The following BMP4 variants were observed in gnomAD, a reference collection of about 807,000 sequenced individuals.
BMP4 encodes bone morphogenetic protein 2B.
Under a neutral mutation model 29.6 loss-of-function variants are expected in BMP4, and 3 were observed. The observed-to-expected ratio is 0.10, with a 90% CI of 0.05 to 0.26. BMP4 has a LOEUF of 0.26. Ranked by LOEUF, BMP4 falls within the 10% of genes least tolerant of loss-of-function variation. BMP4 has a pLI of 1.00. For missense variants in BMP4, 455 were observed against 550.2 expected (o/e 0.83, Z 1.73); for synonymous variants, 197 against 213.2 (o/e 0.92, Z 0.66).
rs1007116370 is a variant in BMP4 at position 53,950,509 on chromosome 14, C to T, written c.750G>A (p.Gln250=). ...GTAACGATCGGCTAATCCTGACATG[C>T]TGGCCCTGGTGGGTCCGAGTCTGAT... is the stretch of plus-strand genomic sequence containing the variant. ...HLHQTRTHQG[Q]HVRISRSLPQ... is the part of the protein sequence containing the mutation. The change falls in exon 4 of 4, where the codon CAG becomes CAA. Residue 250 remains glutamine, a synonymous_variant. Transcript: ENST00000245451. This position sits in a 1 kb window ranked among gnomAD's most constrained non-coding sequence, Gnocchi z 5.4. The T allele has an allele frequency of 1.2e-6, 2 of 1,614,234 alleles. No homozygotes were observed. The highest frequency in any genetic ancestry group is 1.7e-5 in the Admixed American group (1 of 60,034).
chr14:53,953,340 C>T lies in BMP4; in HGVS notation c.-72G>A. ...TGACAGCCAATCTTGAACAAACTTG[C>T]TGGAAAGGCTCAGGGAAGCTGCAGC... is the stretch of plus-strand genomic sequence containing the variant. On this transcript the variant is annotated 5_prime_UTR_variant, in exon 2 of 4. Transcript: ENST00000245451. The T allele has an allele frequency of 2.5e-6, 1 of 399,302 alleles. No homozygotes were observed. The highest frequency in any genetic ancestry group is 6.3e-4 in the Middle Eastern group (1 of 1,592). 24.7% of individuals were successfully genotyped at this position (399,302 alleles called of 1,614,324 possible). A position where few individuals can be genotyped will look rare whatever the true frequency, so the allele number is the denominator to read the frequency against.
intron 1 of BMP4, 76 bp downstream of exon 1, chr14:53,956,474 G>A: frequency 2.5e-6 from 1 of 399,330 alleles, no homozygotes; most frequent in Non-Finnish European, 4.4e-6. Context: ...GTCACAGCCT[G>A]TGACCAGCTT....
chr14:53,953,012 CA>C (rs1300735039), intron 2 of BMP4, among the ~76,000 whole-genome samples: 2 of 152,096 alleles, frequency 1.3e-5, no homozygotes, highest in Non-Finnish European at 2.9e-5. Flanking sequence ...CCTCAAGGTA[CA>C]ACCCCGGGCT....
At chr14:53,956,145 C>A (rs1006983061) in intron 1 of BMP4, among the ~76,000 whole-genome samples, 1 of 152,134 alleles carries the variant, frequency 6.6e-6, no homozygotes, top group Non-Finnish European at 1.5e-5. Flanking sequence ...CGTCGCTCTG[C>A]CCCCTCACTC....
rs961796570 is a variant in BMP4 at position 53,950,593 on chromosome 14, A to G, written c.666T>C (p.Leu222=). Residue 222 remains leucine (L), a synonymous_variant, in exon 4 of 4, where the codon CTT becomes CTC. Coordinates refer to ENST00000245451, the MANE Select transcript of BMP4 (RefSeq NM_001202.6). This position sits in a 1 kb window ranked among gnomAD's most constrained non-coding sequence, Gnocchi z 5.4. ...TTGGCTGCTTCTCCCGGGTCCAGCG[A>G]AGGACCGCAGGGCTCACATCAAAAG... ...WETFDVSPAV[L]RWTREKQPNY... is the part of the protein sequence containing the mutation. 4 of 1,614,134 alleles carry G rather than the reference A, an allele frequency of 2.5e-6. No homozygotes were observed. Among genetic ancestry groups the G allele is most frequent in the Non-Finnish European group, 2.5e-6 (3 of 1,180,046 alleles).
Position 53,952,086 on chromosome 14 carries a change from C to A in BMP4, c.137G>T (p.Arg46Leu). The A allele has an allele frequency of 6.2e-7, 1 of 1,614,010 alleles. No homozygotes were observed. Among genetic ancestry groups the A allele is most frequent in the South Asian group, 1.1e-5 (1 of 91,072 alleles). Residue 46 changes from arginine (R) to leucine (L), a missense_variant, in exon 3 of 4, where the codon CGC becomes CTC. By Grantham distance (102) the Arg-to-Leu change is moderately radical. This residue lies in a region of BMP4 where 249 missense variants were observed against 284.6 expected (regional missense o/e 0.87). Transcript: ENST00000245451. ...CAGGAGCTCATGGCTCTGCCCTGAG[C>A]GGCGTCCTCCCGCGTGGCCCTGAAT... ...AEIQGHAGGR[R>L]SGQSHELLRD...
rs1326557007 is a variant in BMP4, at chr14:53,949,989, T to G, written c.*43A>C. On this transcript the variant is annotated 3_prime_UTR_variant, in exon 4 of 4. Transcript: ENST00000245451. Reference sequence around the variant, plus strand: ...GTGTGTGTGGTGTATGTGGTGTGTGTGTGTGGTGTGTATATCTGTCTATCC... The same window carrying G: ...GTGTGTGTGGTGTATGTGGTGTGTGGGTGTGGTGTGTATATCTGTCTATCC... 1.2e-6 allele frequency: 2 copies of G among 1,608,418 alleles called. No individual in the cohort carries two copies. The highest frequency in any genetic ancestry group is 3.4e-5 in the Admixed American group (2 of 59,688).
chr14:53,950,314 C>T lies in BMP4; in HGVS notation c.945G>A (p.Val315=), dbSNP rs920218292. Residue 315 remains valine (V), a synonymous_variant, in exon 4 of 4, where the codon GTG becomes GTA. Coordinates refer to ENST00000245451, the MANE Select transcript of BMP4 (RefSeq NM_001202.6). The surrounding 1 kb of genome is among the most constrained non-coding windows in gnomAD (Gnocchi z 5.4). The part of the protein sequence containing the change: ...NKNCRRHSLY[V]DFSDVGWNDW... ...CATTCCAGCCCACATCGCTGAAGTC[C>T]ACATAGAGCGAGTGGCGCCGGCAGT... 6.2e-7 allele frequency: 1 copy of T among 1,614,100 alleles called. No individual in the cohort carries two copies. Among genetic ancestry groups the T allele is most frequent in the African/African-American group, 1.3e-5 (1 of 74,936 alleles).
intron 1 of BMP4, among the ~76,000 whole-genome samples, chr14:53,953,977 C>T (rs1360458265): frequency 6.6e-6 from 1 of 151,978 alleles, no homozygotes; most frequent in Non-Finnish European, 1.5e-5. Flanking sequence ...CCACTTCCTC[C>T]CCAGGGTCTC....
chr14:53,950,815 AG>A lies in BMP4; in HGVS notation c.443del (p.Pro148LeufsTer5). On this transcript the variant is annotated frameshift_variant, in exon 4 of 4. Transcript: ENST00000245451. LOFTEE classifies it high-confidence loss of function. This position sits in a 1 kb window ranked among gnomAD's most constrained non-coding sequence, Gnocchi z 5.4. ...FRFLFNLSSI[P>X]ENEVISSAEL... ...CTGCAGAGGAGATCACCTCGTTCTC[AG>A]GGATGCTGCTGAGGTTAAAGAGGAA... is the stretch of plus-strand genomic sequence containing the variant. The A allele has an allele frequency of 6.2e-7, 1 of 1,612,308 alleles. No homozygotes were observed. The highest frequency in any genetic ancestry group is 8.5e-7 in the Non-Finnish European group (1 of 1,180,020).
At chr14:53,953,210 C>T (rs963790444) in intron 2 of BMP4, 66 bp downstream of exon 2, 1 of 393,664 alleles carries the variant, frequency 2.5e-6, no homozygotes, top group African/African-American at 2.1e-5. Context: ...AAGGGACAGC[C>T]GGCGAGCAGG....
Position 53,952,160 on chromosome 14 carries a change from C to T in BMP4, c.63G>A (p.Ala21=). Residue 21 remains alanine (A), a synonymous_variant, in exon 3 of 4, where the codon GCG becomes GCA. Transcript: ENST00000245451. ...VLLCQVLLGG[A]SHASLIPETG... ...TCTCAGGTATCAAACTAGCATGGCT[C>T]GCGCCTCCTAGCAGGACTTGGCATA... 1.2e-6 allele frequency: 2 copies of T among 1,614,082 alleles called. No individual in the cohort carries two copies. Among genetic ancestry groups the T allele is most frequent in the South Asian group, 1.1e-5 (1 of 91,070 alleles).
chr14:53,950,322 G>A lies in BMP4; in HGVS notation c.937C>T (p.Leu313Phe). 6.2e-7 allele frequency: 1 copy of A among 1,614,214 alleles called. No individual in the cohort carries two copies. The highest frequency in any genetic ancestry group is 8.5e-7 in the Non-Finnish European group (1 of 1,180,052). Residue 313 changes from leucine to phenylalanine, a missense_variant, in exon 4 of 4, where the codon CTC becomes TTC. Physicochemically the swap from Leu to Phe is conservative, Grantham distance 22. This residue lies in a region of BMP4 where 154 missense variants were observed against 156.8 expected (regional missense o/e 0.98). Coordinates refer to ENST00000245451, the MANE Select transcript of BMP4 (RefSeq NM_001202.6). The surrounding 1 kb of genome is among the most constrained non-coding windows in gnomAD (Gnocchi z 5.4). ...KKNKNCRRHS[L>F]YVDFSDVGWN... ...CCCACATCGCTGAAGTCCACATAGAGCGAGTGGCGCCGGCAGTTCTTATTC... is the reference window on the plus strand; with the variant it reads ...CCCACATCGCTGAAGTCCACATAGAACGAGTGGCGCCGGCAGTTCTTATTC...
chr14:53,950,410 G>A lies in BMP4; in HGVS notation c.849C>T (p.Ala283=). 6.2e-7 allele frequency: 1 copy of A among 1,613,878 alleles called. No individual in the cohort carries two copies. The highest frequency in any genetic ancestry group is 1.1e-5 in the South Asian group (1 of 91,082). Residue 283 remains alanine (A), a synonymous_variant, in exon 4 of 4, where the codon GCC becomes GCT. Coordinates refer to ENST00000245451, the MANE Select transcript of BMP4 (RefSeq NM_001202.6). This position sits in a 1 kb window ranked among gnomAD's most constrained non-coding sequence, Gnocchi z 5.4. ...VTFGHDGRGH[A]LTRRRRAKRS... is the part of the protein sequence containing the mutation. The stretch of plus-strand genomic sequence containing the variant: ...GCTTGGCCCTCCGGCGTCGGGTCAA[G>A]GCATGGCCCCGGCCATCATGGCCAA...
chr14:53,952,209 T>C lies in BMP4; in HGVS notation c.14A>G (p.Asn5Ser), dbSNP rs771302149. MIPGNRMLMVVLLCQ... is the reference protein window; with the variant it reads MIPGSRMLMVVLLCQ... ...TAATAAAACGACCATCAGCATTCGGTTACCAGGAATCATGGTGTCTCTGGG... is the reference window on the plus strand; with the variant it reads ...TAATAAAACGACCATCAGCATTCGGCTACCAGGAATCATGGTGTCTCTGGG... Residue 5 changes from asparagine (N) to serine (S), a missense_variant, in exon 3 of 4, where the codon AAC becomes AGC. This residue lies in a region of BMP4 where 249 missense variants were observed against 284.6 expected (regional missense o/e 0.87). Transcript: ENST00000245451. 3.1e-6 allele frequency: 5 copies of C among 1,613,942 alleles called. No homozygotes were observed. The Admixed American group carries it at 6.7e-5, about 22-fold the overall frequency.
At chr14:53,953,509 G>A in intron 1 of BMP4, 109 bp from the exon 2 acceptor site, 2 of 395,118 alleles carry the variant, frequency 5.1e-6, no homozygotes. Context: ...GGCAGGCGGC[G>A]AAAGGGCTTG....
At chr14:53,951,649 C>T (rs1433369965) in intron 3 of BMP4, 12 of 768,802 alleles carry the variant, frequency 1.6e-5, no homozygotes, top group Admixed American at 7.9e-5. Context: ...CTGTCATTCC[C>T]CTTCCCCTGA....
chr14:53,951,616 T>C, intron 3 of BMP4: 1 of 587,764 alleles, frequency 1.7e-6, no homozygotes, highest in Non-Finnish European at 2.9e-6. Flanking sequence ...AACACACCGC[T>C]GGGGCTAGCC....
In BMP4 at chr14:53,952,243, G is replaced by A; in HGVS notation, c.-7-14C>T. On this transcript the variant is annotated splice_polypyrimidine_tract_variant and intron_variant, in intron 2 of 3. Transcript: ENST00000245451. ...ATCATGGTGTCTCTGGGGAGGGGGA[G>A]GGGAGTGGAAGGTTAAAGAATAAAT... 5 of 1,613,184 alleles carry A rather than the reference G, an allele frequency of 3.1e-6. No individual in the cohort carries two copies. Among genetic ancestry groups the A allele is most frequent in the Admixed American group, 1.7e-5 (1 of 60,000 alleles).
Sources: allele counts gnomAD v4.1 joint callset (sites outside exome capture counted in the v4.1 genomes callset), GRCh38; gene constraint gnomAD v4.1.1; regional missense constraint gnomAD v4.1.1; non-coding constraint Gnocchi (gnomAD v3.1); transcripts MANE v1.5; gene names NCBI Gene and HGNC (gene_info 2026-07-23, HGNC 2026-07-21).